The following STS variants were observed in gnomAD, a reference collection of about 807,000 sequenced individuals.
The protein encoded by STS is steryl-sulfatase.
Under a neutral mutation model 26.8 loss-of-function variants are expected in STS, and 7 were observed. The observed-to-expected ratio is 0.26, with a 90% confidence interval of 0.15 to 0.49. The LOEUF (loss-of-function observed/expected upper bound fraction) is 0.49. STS is among the 20% of genes least tolerant of loss of function. The pLI, the probability that STS is intolerant of heterozygous loss-of-function variation, is 0.98. For missense variants in STS, 434 were observed against 465.6 expected (o/e 0.93, Z 0.63); for synonymous variants, 199 against 189.4 (o/e 1.05, Z -0.42).
chrX:7,150,903 AT>A (rs1468457366), intron 1 of STS, among the ~76,000 whole-genome samples: 1 of 112,305 alleles, frequency 8.9e-6, no homozygotes, highest in African/African-American at 3.2e-5. Context: ...TTCTATGCTG[AT>A]GGGGATGCAT....
chrX:7,323,854 G>A (rs1239720993), intron 8 of STS, among the ~76,000 whole-genome samples: 11 of 111,065 alleles, frequency 9.9e-5, no homozygotes, highest in Non-Finnish European at 1.7e-4. Context: ...CCTGGGCTTG[G>A]GGTGCCCTTC....
chrX:7,290,136 A>G lies in STS; in HGVS notation c.943+14049A>G, dbSNP rs777402030. On this transcript the variant is annotated intron_variant, in intron 7 of 10. Transcript: ENST00000674429. ...TTTGAAGAGAAGACATTTCTATCCC[A>G]TGAATGAATGCATACTTAATTGAAA... Among the ~76,000 whole-genome samples the G allele has an allele frequency of 4.6e-4, 51 of 112,084 alleles. No individual in the cohort carries two copies. In the South Asian group the frequency reaches 0.018, roughly 40 times the overall value.
chrX:7,276,121 G>A, intron 7 of STS, 34 bp downstream of exon 7: 1 of 1,204,611 alleles, frequency 8.3e-7, no homozygotes, highest in Non-Finnish European at 1.1e-6. Flanking sequence ...TTAGAAAGCT[G>A]CTAAGTCTTT....
intron 1 of STS, among the ~76,000 whole-genome samples, chrX:7,185,315 T>C (rs1375609638): frequency 8.9e-6 from 1 of 112,742 alleles, no homozygotes; most frequent in Non-Finnish European, 1.9e-5. Context: ...TAGGACTGCA[T>C]AGTAAATATT....
At chrX:7,345,517 T>C (rs1376943619) in intron 10 of STS, among the ~76,000 whole-genome samples, 1 of 111,142 alleles carries the variant, frequency 9.0e-6, no homozygotes, top group Non-Finnish European at 1.9e-5. Flanking sequence ...CCTTCAGATC[T>C]CCAGTAAACT....
chrX:7,259,738 A>C lies in STS; in HGVS notation c.772A>C (p.Arg258=). Residue 258 remains arginine (R), a synonymous_variant, in exon 6 of 11, where the codon AGG becomes CGG. Transcript: ENST00000674429. ...QPMSYDNLTQ[R]LTVEAAQFIQ... The stretch of plus-strand genomic sequence containing the variant: ...CATGTCCTATGACAATCTCACCCAG[A>C]GGCTAACGGTGGAGGCGGCCCAGTT... The C allele has an allele frequency of 8.3e-7, 1 of 1,211,062 alleles. No homozygotes were observed. Among genetic ancestry groups the C allele is most frequent in the Non-Finnish European group, 1.1e-6 (1 of 895,370 alleles).
chrX:7,155,463 G>A (rs1363072674), intron 1 of STS, among the ~76,000 whole-genome samples: 3 of 111,517 alleles, frequency 2.7e-5, no homozygotes, highest in African/African-American at 9.8e-5. Flanking sequence ...AAATAGTTAA[G>A]ATTTTAAGAA....
At chrX:7,222,985 A>G (rs1336991838) in intron 2 of STS, among the ~76,000 whole-genome samples, 1 of 112,053 alleles carries the variant, frequency 8.9e-6, no homozygotes, top group Non-Finnish European at 1.9e-5. Context: ...GCACCCACTT[A>G]TAAGTGACAA....
chrX:7,324,986 G>A (rs891015791), intron 8 of STS, among the ~76,000 whole-genome samples: 3 of 110,928 alleles, frequency 2.7e-5, no homozygotes, highest in Admixed American at 1.9e-4. Flanking sequence ...CCATTATTTT[G>A]CCTGCCACAG....
chrX:7,282,479 G>A (rs1299966684), intron 7 of STS, among the ~76,000 whole-genome samples: 1 of 112,224 alleles, frequency 8.9e-6, no homozygotes, highest in Non-Finnish European at 1.9e-5. Flanking sequence ...AGGATTACAG[G>A]CGTGAGCCTC....
chrX:7,288,102 A>G (rs2147120515), intron 7 of STS, among the ~76,000 whole-genome samples: 1 of 108,659 alleles, frequency 9.2e-6, no homozygotes, highest in African/African-American at 3.3e-5. Flanking sequence ...TGCACTATCT[A>G]TATGATAAGA....
intron 6 of STS, among the ~76,000 whole-genome samples, chrX:7,264,771 G>A (rs187623709): frequency 1.9e-4 from 21 of 111,684 alleles, no homozygotes; most frequent in East Asian, 1.1e-3. Flanking sequence ...GAAACACTGG[G>A]TTTCATATAC....
intron 1 of STS, among the ~76,000 whole-genome samples, chrX:7,174,030 G>A (rs1357664682): frequency 9.0e-6 from 1 of 111,497 alleles, no homozygotes; most frequent in Non-Finnish European, 1.9e-5. Flanking sequence ...TTATCTCCTG[G>A]CCAGGGACTC....
At chrX:7,170,565 G>A (rs185154787) in intron 1 of STS, among the ~76,000 whole-genome samples, 7 of 110,229 alleles carry the variant, frequency 6.4e-5, no homozygotes, top group Non-Finnish European at 1.3e-4. Flanking sequence ...AGCCTCCCAA[G>A]TAGTTGAGAT....
chrX:7,258,695 T>G (rs1388624970), intron 5 of STS, among the ~76,000 whole-genome samples: 1 of 111,644 alleles, frequency 9.0e-6, no homozygotes, highest in Non-Finnish European at 1.9e-5. Context: ...GAGGCACTCA[T>G]TAATTTAGTG....
In STS at chrX:7,349,315, C is replaced by CTTTTTTTTTTTTTTTTTTTTTTTTTT; in HGVS notation, c.1364-573_1364-572insTTTTTTTTTTTTTTTTTTTTTTTTTT. Among the ~76,000 whole-genome samples, 2 of 20,285 alleles carry CTTTTTTTTTTTTTTTTTTTTTTTTTT rather than the reference C, an allele frequency of 9.9e-5. 1 individual carries two copies. The highest frequency in any genetic ancestry group is 1.8e-4 in the Non-Finnish European group (2 of 11,002). The allele number at this position is 20,285 out of a possible 115,157, so 17.6% of individuals were successfully genotyped here. On this transcript the variant is annotated intron_variant, in intron 10 of 10. Coordinates refer to ENST00000674429, the MANE Select transcript of STS (RefSeq NM_001320752.2). ...CGCTGCACTCGGCCCTCATTTAATTCCTTTTTTTTTTTTTTTTTTTTTTTT... is the reference window on the plus strand; with the variant it reads ...CGCTGCACTCGGCCCTCATTTAATTCTTTTTTTTTTTTTTTTTTTTTTTTTTCTTTTTTTTTTTTTTTTTTTTTTTT...
chrX:7,201,024 A>G (rs1436104477), intron 2 of STS, among the ~76,000 whole-genome samples: 1 of 111,286 alleles, frequency 9.0e-6, no homozygotes, highest in Admixed American at 9.6e-5. Flanking sequence ...AGATCGATGG[A>G]TGATAGATAG....
intron 7 of STS, among the ~76,000 whole-genome samples, chrX:7,278,109 GC>G (rs1479521697): frequency 8.9e-6 from 1 of 112,418 alleles, no homozygotes; most frequent in Non-Finnish European, 1.9e-5. Context: ...TTCAAGACCT[GC>G]CTTAGCCCCT....
intron 9 of STS, among the ~76,000 whole-genome samples, chrX:7,333,074 G>T (rs1482128302): frequency 1.8e-5 from 2 of 112,019 alleles, no homozygotes; most frequent in African/African-American, 3.2e-5. Flanking sequence ...AAATTGTACA[G>T]CCACGCCAAA....
Sources: gnomAD v4.1 joint callset for allele counts (sites outside exome capture counted in the v4.1 genomes callset) on GRCh38, gnomAD v4.1.1 for gene constraint, MANE v1.5 for transcripts, NCBI Gene and HGNC (gene_info 2026-07-23, HGNC 2026-07-21) for gene names.